PADI2: variants seen among roughly 807,000 people sequenced by gnomAD.
PADI2 encodes the protein peptidyl arginine deiminase 2.
Under a neutral mutation model 81.1 loss-of-function variants are expected in PADI2, and 70 were observed. That is an observed-to-expected ratio of 0.86 (90% CI 0.71 to 1.05). PADI2 has a LOEUF of 1.05. Among genes scored for constraint, PADI2 ranks in the 50% least tolerant of loss-of-function variants. PADI2 has a pLI of 0.00. For synonymous variants in PADI2, 338 were observed against 358.0 expected, an observed-to-expected ratio of 0.94 and a Z score of 0.63; for missense variants, 853 against 889.9, an observed-to-expected ratio of 0.96 and a Z score of 0.53.
chr1:17,085,673 T>C (rs770138992), intron 7 of PADI2, among the ~76,000 whole-genome samples: 6 of 152,218 alleles, frequency 3.9e-5, no homozygotes, highest in Non-Finnish European at 7.3e-5. Context: ...ATTTGCCTAG[T>C]GTCTCGTGGT....
At chr1:17,093,901 G>A (rs546255580) in intron 4 of PADI2, among the ~76,000 whole-genome samples, 1 of 152,322 alleles carries the variant, frequency 6.6e-6, no homozygotes, top group South Asian at 2.1e-4. Context: ...CAGGAAGGCT[G>A]ACTGAGGCAT....
intron 6 of PADI2, among the ~76,000 whole-genome samples, chr1:17,091,223 T>C (rs2101592004): frequency 6.8e-6 from 1 of 147,326 alleles, no homozygotes; most frequent in East Asian, 2.0e-4. Context: ...TCATGGTGAA[T>C]GCCCTGGATC....
intron 9 of PADI2, 118 bp from the exon 10 acceptor site, chr1:17,082,770 T>G: frequency 1.6e-6 from 1 of 636,688 alleles, no homozygotes; most frequent in Non-Finnish European, 2.8e-6. Context: ...TTGTTCCCCA[T>G]TCCCTGGTCC....
rs769982045 is a variant in PADI2, at chr1:17,082,626, CTCG to C, written c.1074_1076del (p.Ile358_Glu359delinsMet). 1 of 1,609,078 alleles carries C rather than the reference CTCG, an allele frequency of 6.2e-7. No individual in the cohort carries two copies. Among genetic ancestry groups the C allele is most frequent in the South Asian group, 1.1e-5 (1 of 90,692 alleles). On this transcript the variant is annotated inframe_deletion, in exon 10 of 16. Coordinates refer to ENST00000375486, the MANE Select transcript of PADI2 (RefSeq NM_007365.3). ...CCACGGGGAAGCCTTTATGGGGGGC[CTCG>C]ATGTAGCCAAACTCAATTTCATCCT...
At chr1:17,092,854 C>T (rs1930751492) in intron 5 of PADI2, among the ~76,000 whole-genome samples, 1 of 147,466 alleles carries the variant, frequency 6.8e-6, no homozygotes, top group African/African-American at 2.5e-5. Context: ...GAGGCTGAGG[C>T]AGGAGGATGG....
rs779817408 is a variant in PADI2 at position 17,069,092 on chromosome 1, G to A, written c.1950C>T (p.Asn650=). 2.2e-5 allele frequency: 36 copies of A among 1,614,136 alleles called. No individual in the cohort carries two copies. Among genetic ancestry groups the A allele is most frequent in the South Asian group, 4.4e-5 (4 of 91,094 alleles). Residue 650 remains asparagine (N), a synonymous_variant, in exon 16 of 16, where the codon AAC becomes AAT. Transcript: ENST00000375486. ...KFLGEVHCGT[N]VRRKPFTFKW... ...TGAAGGTGAAGGGCTTCCTGCGGAC[G>A]TTGGTGCCACAGTGGACTTCCCCCA...
chr1:17,103,760 G>T (rs190457499), intron 2 of PADI2, among the ~76,000 whole-genome samples: 2 of 148,952 alleles, frequency 1.3e-5, no homozygotes, highest in Admixed American at 6.8e-5. Context: ...TTTAAATTTG[G>T]TATGGAAAAA....
In PADI2 at chr1:17,082,831, A is replaced by G. The variant is rs762641375; in HGVS notation, c.1051-179T>C. On this transcript the variant is annotated intron_variant, in intron 9 of 15. Transcript: ENST00000375486. Reference sequence around the variant, plus strand: ...GATGGCAGCACAGGTGTCCATAGGCAGTCTCTGCACATCACAGGCAGGTTT... The same window carrying G: ...GATGGCAGCACAGGTGTCCATAGGCGGTCTCTGCACATCACAGGCAGGTTT... 266 of 546,570 alleles carry G rather than the reference A, an allele frequency of 4.9e-4. 1 individual carries two copies. The highest frequency in any genetic ancestry group is 7.6e-4 in the Non-Finnish European group (234 of 309,510). The allele number at this position is 546,570 out of a possible 1,614,324, so 33.9% of individuals were successfully genotyped here.
chr1:17,107,215 G>A (rs1931411827), intron 1 of PADI2, among the ~76,000 whole-genome samples: 1 of 152,166 alleles, frequency 6.6e-6, no homozygotes, highest in Non-Finnish European at 1.5e-5. Flanking sequence ...TTGGGGGCCT[G>A]GTGCTCTTGG....
At chr1:17,090,919 G>A (rs910346660) in intron 6 of PADI2, among the ~76,000 whole-genome samples, 6 of 151,994 alleles carry the variant, frequency 3.9e-5, no homozygotes, top group Non-Finnish European at 5.9e-5. Context: ...AACAGGTCTC[G>A]TGTCACGACA....
At position 17,091,926 on chromosome 1, in the gene PADI2, G is replaced by A. The variant is rs999851087; in HGVS notation, c.655+482C>T. Among the ~76,000 whole-genome samples, 6 of 152,168 alleles carry A rather than the reference G, an allele frequency of 3.9e-5. No homozygotes were observed. In the East Asian group the frequency reaches 9.7e-4, roughly 24 times the overall value. On this transcript the variant is annotated intron_variant, in intron 6 of 15. Coordinates refer to ENST00000375486, the MANE Select transcript of PADI2 (RefSeq NM_007365.3). ...AGGGTGAGGCAGAGCCGGCAGCTAC[G>A]AGGACTAGCTCCAGGGCAGGAGCCC...
intron 7 of PADI2, among the ~76,000 whole-genome samples, chr1:17,085,178 C>T (rs1036445554): frequency 3.3e-5 from 5 of 152,172 alleles, no homozygotes; most frequent in East Asian, 1.9e-4. Flanking sequence ...GGCATTTTCG[C>T]GTTGTTTTGG....
intron 3 of PADI2, among the ~76,000 whole-genome samples, chr1:17,097,384 T>C (rs1930974406): frequency 6.6e-6 from 1 of 152,220 alleles, no homozygotes; most frequent in African/African-American, 2.4e-5. Context: ...CATGTGACTT[T>C]TCCAGTCTAG....
At chr1:17,114,322 A>G (rs1016474904) in intron 1 of PADI2, among the ~76,000 whole-genome samples, 1 of 152,178 alleles carries the variant, frequency 6.6e-6, no homozygotes, top group Non-Finnish European at 1.5e-5. Flanking sequence ...GGAGCCCTTC[A>G]TTGACTCCAG....
At chr1:17,090,581 T>TTTTGTGTGTG (rs1553182497) in intron 6 of PADI2, among the ~76,000 whole-genome samples, 2 of 142,740 alleles carry the variant, frequency 1.4e-5, no homozygotes, top group African/African-American at 5.2e-5. Context: ...CGTCCTTTGC[T>TTTTGTGTGTG]TGTGTGTGTG....
intron 6 of PADI2, among the ~76,000 whole-genome samples, chr1:17,087,877 C>T (rs1930528014): frequency 6.6e-6 from 1 of 152,192 alleles, no homozygotes; most frequent in Non-Finnish European, 1.5e-5. Flanking sequence ...CCAGGGCCTG[C>T]CCGGCACATG....
At chr1:17,118,901 G>T (rs888271565) in intron 1 of PADI2, among the ~76,000 whole-genome samples, 9 of 152,150 alleles carry the variant, frequency 5.9e-5, no homozygotes, top group Non-Finnish European at 1.3e-4. Context: ...GGTTGAGGTG[G>T]GTCCGAGGGG....
At chr1:17,117,409 T>C (rs1474676693) in intron 1 of PADI2, among the ~76,000 whole-genome samples, 1 of 152,188 alleles carries the variant, frequency 6.6e-6, no homozygotes, top group South Asian at 2.1e-4. Flanking sequence ...TACTAGAAGA[T>C]TTAAAATGCA....
At chr1:17,112,431 C>T (rs1296399839) in intron 1 of PADI2, among the ~76,000 whole-genome samples, 1 of 152,242 alleles carries the variant, frequency 6.6e-6, no homozygotes, top group East Asian at 1.9e-4. Flanking sequence ...TGGCCTGGGC[C>T]TCATTAACAC....
Sources: gnomAD v4.1 joint callset for allele counts (sites outside exome capture counted in the v4.1 genomes callset) on GRCh38, gnomAD v4.1.1 for gene constraint, MANE v1.5 for transcripts, NCBI Gene and HGNC (gene_info 2026-07-23, HGNC 2026-07-21) for gene names.